The following COG2 variants were observed in gnomAD, a reference collection of about 807,000 sequenced individuals.
The protein encoded by COG2 is conserved oligomeric Golgi complex subunit 2.
Under a neutral mutation model 90.6 loss-of-function variants are expected in COG2, and 52 were observed. The observed-to-expected ratio is 0.57, with a 90% confidence interval of 0.46 to 0.72. The LOEUF (loss-of-function observed/expected upper bound fraction) is 0.72, where lower values mean the gene tolerates loss of function less well. Among genes scored for constraint, COG2 ranks in the 30% least tolerant of loss-of-function variants. The pLI, the probability that COG2 is intolerant of heterozygous loss-of-function variation, is 0.00. For synonymous variants in COG2, 337 were observed against 320.4 expected (o/e 1.05, Z -0.55); for missense variants, 829 against 891.2 (o/e 0.93, Z 0.89).
intron 17 of COG2, among the ~76,000 whole-genome samples, 200 bp from the exon 18 acceptor site, chr1:230,693,092 T>C (rs1237726066): frequency 1.3e-5 from 2 of 152,230 alleles, no homozygotes; most frequent in Non-Finnish European, 2.9e-5. Flanking sequence ...TACTGGCTTC[T>C]TAGAATGCTA....
rs768668067 is a variant in COG2, at chr1:230,675,066, G to T, written c.968G>T (p.Gly323Val). The change falls in exon 9 of 18, where the codon GGA (glycine) becomes GTA (valine). Residue 323 changes from glycine to valine, a missense_variant. Coordinates refer to ENST00000366669, the MANE Select transcript of COG2 (RefSeq NM_007357.3). ...VNSVWPQIVQ[G>V]LEEKLPSLFN... ...TCTGTTTGGCCACAAATAGTACAAG[G>T]ATTAGAAGAAAAGTTACCCTCGCTT... 1 of 1,613,012 alleles carries T rather than the reference G, an allele frequency of 6.2e-7. No homozygotes were observed. The highest frequency in any genetic ancestry group is 8.5e-7 in the Non-Finnish European group (1 of 1,179,500).
chr1:230,645,523 A>T (rs1341166123), intron 1 of COG2, among the ~76,000 whole-genome samples: 2 of 151,974 alleles, frequency 1.3e-5, no homozygotes, highest in African/African-American at 4.8e-5. Flanking sequence ...CCCATCATTA[A>T]CCTGTTGTGT....
At chr1:230,660,066 G>A (rs1485569082) in intron 2 of COG2, among the ~76,000 whole-genome samples, 2 of 152,202 alleles carry the variant, frequency 1.3e-5, no homozygotes, top group African/African-American at 4.8e-5. Context: ...TTTATAAAAT[G>A]TGAGAATAGT....
At chr1:230,669,884 A>G (rs1432995466) in intron 7 of COG2, 1 of 201,042 alleles carries the variant, frequency 5.0e-6, no homozygotes, top group African/African-American at 2.3e-5. Context: ...TTGTGGGTGG[A>G]CTAAGGCAAT....
Position 230,679,963 on chromosome 1 carries a change from A to G in COG2, c.1166+911A>G, listed in dbSNP as rs16852215. 2.7e-3 allele frequency: 407 copies of G among 152,298 alleles called. 3 individuals are homozygous for G. The highest frequency in any genetic ancestry group is 9.4e-3 in the African/African-American group (389 of 41,564). The allele number at this position is 152,298 out of a possible 1,614,324, so 9.4% of individuals were successfully genotyped here. On this transcript the variant is annotated intron_variant, in intron 10 of 17. Coordinates refer to ENST00000366669, the MANE Select transcript of COG2 (RefSeq NM_007357.3). Reference sequence around the variant, plus strand: ...GAGATGATTGAGAATGTATGTAATGATCTTTTTATAATGAAATCACAGTTC... The same window carrying G: ...GAGATGATTGAGAATGTATGTAATGGTCTTTTTATAATGAAATCACAGTTC...
At chr1:230,665,807 C>T (rs1156608906) in intron 5 of COG2, among the ~76,000 whole-genome samples, 1 of 152,190 alleles carries the variant, frequency 6.6e-6, no homozygotes, top group African/African-American at 2.4e-5. Context: ...ACTAACTGCT[C>T]TGCTTCTGTC....
At chr1:230,682,215 A>T (rs1398198551) in intron 10 of COG2, 1 of 152,098 alleles carries the variant, frequency 6.6e-6, no homozygotes, top group African/African-American at 2.4e-5. Context: ...TTTCTGTATC[A>T]GGGCTAACTT....
chr1:230,687,094 G>A lies in COG2; in HGVS notation c.1540G>A (p.Val514Met), dbSNP rs993591850. The A allele has an allele frequency of 5.6e-6, 9 of 1,613,068 alleles. No homozygotes were observed. Among genetic ancestry groups the A allele is most frequent in the African/African-American group, 4.0e-5 (3 of 74,922 alleles). ...GGTTTCCATTTCCCGCACTCAGCTC[G>A]TGTATGTGGTTGCAGACCTGGACAA... ...PVVSISRTQL[V>M]YVVADLDKLQ... The change falls in exon 13 of 18, where the codon GTG becomes ATG. Residue 514 changes from valine to methionine, a missense_variant. Val to Met is a conservative substitution (Grantham distance 21, BLOSUM62 1). Transcript: ENST00000366669.
intron 17 of COG2, among the ~76,000 whole-genome samples, chr1:230,692,564 G>T (rs903526180): frequency 1.3e-5 from 2 of 152,228 alleles, no homozygotes; most frequent in South Asian, 4.2e-4. Context: ...TTATAGAAAC[G>T]TGAAGAGCCA....
intron 9 of COG2, 192 bp from the exon 10 acceptor site, chr1:230,678,721 C>G (rs1239378790): frequency 6.7e-7 from 1 of 1,493,736 alleles, no homozygotes; most frequent in Non-Finnish European, 8.9e-7. Context: ...AGACATATCA[C>G]AGAACCACTT....
chr1:230,663,099 C>G lies in COG2; in HGVS notation c.301-42C>G, dbSNP rs1662224914. On this transcript the variant is annotated intron_variant, in intron 3 of 17. Transcript: ENST00000366669. ...TAAATGTGTAAATTTCATAATGTTA[C>G]AAAACAATCTCTGCAGTACTTTTTT... is the stretch of plus-strand genomic sequence containing the variant. 7.4e-6 allele frequency: 11 copies of G among 1,492,546 alleles called. No individual in the cohort carries two copies. In the Admixed American group the frequency reaches 2.0e-4, roughly 28 times the overall value. The allele number at this position is 1,492,546 out of a possible 1,614,324, so 92.5% of individuals were successfully genotyped here. A position where few individuals can be genotyped will look rare whatever the true frequency, so the allele number is the denominator to read the frequency against.
chr1:230,670,162 A>G (rs942314011), intron 7 of COG2: 1 of 152,248 alleles, frequency 6.6e-6, no homozygotes, highest in Non-Finnish European at 1.5e-5. Context: ...CTAGTAGGAT[A>G]TAGTTAAAAT....
intron 5 of COG2, 131 bp downstream of exon 5, chr1:230,664,718 A>C: frequency 9.7e-6 from 5 of 516,658 alleles, no homozygotes; most frequent in Non-Finnish European, 1.3e-5. Flanking sequence ...AATGTAGCTC[A>C]AGCAAAGCAG....
chr1:230,664,644 C>T lies in COG2; in HGVS notation c.485+57C>T, dbSNP rs373271603. On this transcript the variant is annotated intron_variant, in intron 5 of 17. Transcript: ENST00000366669. Reference sequence around the variant, plus strand: ...TAATACTTCACATCCAGAGTAAAAACTTTTTTAGTTAGAACTCATTTCTGA... The same window carrying T: ...TAATACTTCACATCCAGAGTAAAAATTTTTTTAGTTAGAACTCATTTCTGA... 4 of 834,542 alleles carry T rather than the reference C, an allele frequency of 4.8e-6. No homozygotes were observed. In the Admixed American group the frequency reaches 1.2e-4, roughly 25 times the overall value. The allele number at this position is 834,542 out of a possible 1,614,324, so 51.7% of individuals were successfully genotyped here.
chr1:230,659,567 C>T lies in COG2; in HGVS notation c.176C>T (p.Ala59Val), dbSNP rs377756056. 4 of 1,614,000 alleles carry T rather than the reference C, an allele frequency of 2.5e-6. No individual in the cohort carries two copies. Among genetic ancestry groups the T allele is most frequent in the Non-Finnish European group, 3.4e-6 (4 of 1,179,944 alleles). Residue 59 changes from alanine (A) to valine (V), a missense_variant, in exon 2 of 18, where the codon GCC becomes GTC. Ala to Val is a moderately conservative substitution (Grantham distance 64, BLOSUM62 0). Transcript: ENST00000366669. Reference protein sequence around the residue: ...LELYYKLLKTAMVELINKDYA... With the variant: ...LELYYKLLKTVMVELINKDYA... ...CTCTACTATAAACTTCTTAAAACAG[C>T]CATGGTCGAACTCATCAACAAGGAT...
chr1:230,683,659 G>A, intron 11 of COG2, 24 bp downstream of exon 11: 1 of 1,526,996 alleles, frequency 6.5e-7, no homozygotes, highest in Middle Eastern at 1.7e-4. Context: ...AGTGATAAGT[G>A]GCATGGTATC....
intron 10 of COG2, chr1:230,681,881 C>T (rs1378247826): frequency 6.6e-6 from 1 of 152,246 alleles, no homozygotes; most frequent in Admixed American, 6.5e-5. Flanking sequence ...AATCATGTAT[C>T]ACTGTCCCTG....
chr1:230,663,243 T>C (rs773311222), intron 4 of COG2, 22 bp downstream of exon 4: 1 of 1,590,458 alleles, frequency 6.3e-7, no homozygotes, highest in Admixed American at 1.7e-5. Flanking sequence ...TATTACAATA[T>C]TAAATCGTTG....
At chr1:230,686,411 T>C (rs1318746453) in intron 12 of COG2, among the ~76,000 whole-genome samples, 1 of 152,230 alleles carries the variant, frequency 6.6e-6, no homozygotes, top group Non-Finnish European at 1.5e-5. Flanking sequence ...TAGATCACTT[T>C]GCCCTGAATG....
Sources: gnomAD v4.1 joint callset for allele counts (sites outside exome capture counted in the v4.1 genomes callset) on GRCh38, gnomAD v4.1.1 for gene constraint, MANE v1.5 for transcripts, NCBI Gene and HGNC (gene_info 2026-07-23, HGNC 2026-07-21) for gene names.